The following EVA1B variants were observed in gnomAD, a reference collection of about 807,000 sequenced individuals.
EVA1B encodes the protein eva-1 homolog B.
A neutral mutation model predicts 4.6 loss-of-function variants in EVA1B; 2 were observed. The observed-to-expected ratio is 0.43, with a 90% confidence interval of 0.18 to 1.37. EVA1B has a LOEUF of 1.37. Among genes scored for constraint, EVA1B ranks in the 40% most tolerant of loss-of-function variants. EVA1B has a pLI of 0.28. For missense variants in EVA1B, 263 were observed against 240.4 expected, an observed-to-expected ratio of 1.09 and a Z score of -0.62; for synonymous variants, 124 against 115.8, an observed-to-expected ratio of 1.07 and a Z score of -0.46.
intron 2 of EVA1B, 56 bp from the exon 3 acceptor site, chr1:36,322,781 A>G: frequency 6.6e-7 from 1 of 1,521,700 alleles, no homozygotes; most frequent in Non-Finnish European, 8.9e-7. Context: ...GGGTTGTCCC[A>G]CTTCCGAAAG....
At chr1:36,323,334 G>A in intron 1 of EVA1B, 125 bp downstream of exon 1, 1 of 381,466 alleles carries the variant, frequency 2.6e-6, no homozygotes, top group Non-Finnish European at 4.7e-6. Context: ...CGCCGTCCCG[G>A]GGCGGGATGG....
chr1:36,322,667 G>T lies in EVA1B; in HGVS notation c.126C>A (p.Leu42=). The stretch of plus-strand genomic sequence containing the variant: ...TGCTGATGACGAGCAGGCAGAGGGT[G>T]AGCAGCAGGCCGAAGCAGACGCCCA... ...FVLGVCFGLL[L]TLCLLVISIS... is the part of the protein sequence containing the mutation. The change falls in exon 3 of 3, where the codon CTC becomes CTA. Residue 42 remains leucine (L), a synonymous_variant. Coordinates refer to ENST00000490466, the MANE Select transcript of EVA1B (RefSeq NM_001304762.2). 4 of 1,547,340 alleles carry T rather than the reference G, an allele frequency of 2.6e-6. No individual in the cohort carries two copies. Among genetic ancestry groups the T allele is most frequent in the Non-Finnish European group, 3.5e-6 (4 of 1,146,898 alleles).
At position 36,322,401 on chromosome 1, in the gene EVA1B, A is replaced by G; in HGVS notation, c.392T>C (p.Ile131Thr). The G allele has an allele frequency of 1.3e-6, 2 of 1,599,684 alleles. No homozygotes were observed. Among genetic ancestry groups the G allele is most frequent in the East Asian group, 2.2e-5 (1 of 44,812 alleles). Residue 131 changes from isoleucine to threonine, a missense_variant, in exon 3 of 3, where the codon ATC becomes ACC. Ile to Thr is a moderately conservative substitution (Grantham distance 89). Transcript: ENST00000490466. Reference protein sequence around the residue: ...RAQRLEERERILREIWRTGQP... With the variant: ...RAQRLEERERTLREIWRTGQP... Reference sequence around the variant, plus strand: ...CCCGGTGCGCCAGATCTCCCGCAGGATCCGTTCGCGCTCCTCCAGCCGCTG... The same window carrying G: ...CCCGGTGCGCCAGATCTCCCGCAGGGTCCGTTCGCGCTCCTCCAGCCGCTG...
In EVA1B at chr1:36,322,733, G is replaced by T. The variant is rs929154659; in HGVS notation, c.68-8C>A. The T allele has an allele frequency of 2.3e-5, 35 of 1,545,670 alleles. No homozygotes were observed. Among genetic ancestry groups the T allele is most frequent in the Non-Finnish European group, 2.8e-5 (32 of 1,146,708 alleles). On this transcript the variant is annotated splice_region_variant and splice_polypyrimidine_tract_variant and intron_variant, in intron 2 of 2. Transcript: ENST00000490466. Reference sequence around the variant, plus strand: ...CGAAGCTCTCGGGGTTGGCTGCGGGGCACAGGGCGGGGGTCACGGAGAGGC... The same window carrying T: ...CGAAGCTCTCGGGGTTGGCTGCGGGTCACAGGGCGGGGGTCACGGAGAGGC...
In EVA1B at chr1:36,322,650, A is replaced by T. The variant is rs1183838051; in HGVS notation, c.143T>A (p.Val48Asp). The change falls in exon 3 of 3, where the codon GTC becomes GAC. Residue 48 changes from valine (V) to aspartate (D), a missense_variant. Val to Asp is a radical substitution (Grantham distance 152). Transcript: ENST00000490466. ...FGLLLTLCLLVISISWAPRPR... is the reference protein window; with the variant it reads ...FGLLLTLCLLDISISWAPRPR... Reference sequence around the variant, plus strand: ...GCGGGGCGCCCACGAGATGCTGATGACGAGCAGGCAGAGGGTGAGCAGCAG... The same window carrying T: ...GCGGGGCGCCCACGAGATGCTGATGTCGAGCAGGCAGAGGGTGAGCAGCAG... The T allele has an allele frequency of 6.5e-7, 1 of 1,546,062 alleles. No homozygotes were observed. Among genetic ancestry groups the T allele is most frequent in the East Asian group, 2.4e-5 (1 of 40,826 alleles).
rs766781878 is a variant in EVA1B at position 36,322,553 on chromosome 1, CTCGTCG to C, written c.234_239del (p.Asp78_Asp79del). 1.3e-3 allele frequency: 2,083 copies of C among 1,596,366 alleles called. 4 individuals are homozygous for C. Among genetic ancestry groups the C allele is most frequent in the Non-Finnish European group, 1.7e-3 (2,013 of 1,176,172 alleles). ...GCCGAGTCACCGTGTCCTCCTCGTC[CTCGTCG>C]TCGTCCTCGGGCTCCAGGGTGCTGC... On this transcript the variant is annotated inframe_deletion, in exon 3 of 3. Transcript: ENST00000490466.
At position 36,322,477 on chromosome 1, in the gene EVA1B, C is replaced by T. The variant is rs201498075; in HGVS notation, c.316G>A (p.Gly106Arg). 2 of 1,604,210 alleles carry T rather than the reference C, an allele frequency of 1.2e-6. No homozygotes were observed. Among genetic ancestry groups the T allele is most frequent in the East Asian group, 2.2e-5 (1 of 44,836 alleles). Reference protein sequence around the residue: ...PGPELSAEPDGPLNVNVFTSA... With the variant: ...PGPELSAEPDRPLNVNVFTSA... ...GTGAAGACGTTGACGTTGAGGGGCCCGTCCGGCTCTGCGGACAGCTCGGGG... is the reference window on the plus strand; with the variant it reads ...GTGAAGACGTTGACGTTGAGGGGCCTGTCCGGCTCTGCGGACAGCTCGGGG... The change falls in exon 3 of 3, where the codon GGG becomes AGG. Residue 106 changes from glycine to arginine, a missense_variant. By Grantham distance (125) the Gly-to-Arg change is moderately radical. Coordinates refer to ENST00000490466, the MANE Select transcript of EVA1B (RefSeq NM_001304762.2).
chr1:36,322,448 C>A lies in EVA1B; in HGVS notation c.345G>T (p.Ser115=). 1 of 1,604,618 alleles carries A rather than the reference C, an allele frequency of 6.2e-7. No homozygotes were observed. Among genetic ancestry groups the A allele is most frequent in the East Asian group, 2.2e-5 (1 of 44,850 alleles). The change falls in exon 3 of 3, where the codon TCG becomes TCT. Residue 115 remains serine, a synonymous_variant. Transcript: ENST00000490466. The part of the protein sequence containing the change: ...DGPLNVNVFT[S]AEELERAQRL... ...GCTGCGCCCGCTCCAGCTCCTCCGC[C>A]GACGTGAAGACGTTGACGTTGAGGG...
At chr1:36,323,294 CT>C (rs1646499832) in intron 1 of EVA1B, among the ~76,000 whole-genome samples, 164 bp downstream of exon 1, 1 of 152,246 alleles carries the variant, frequency 6.6e-6, no homozygotes, top group Non-Finnish European at 1.5e-5. Flanking sequence ...GCCCCGCCCC[CT>C]GGTGAGGTCC....
chr1:36,322,136 C>A lies in EVA1B; in HGVS notation c.*159G>T. The A allele has an allele frequency of 7.4e-7, 1 of 1,349,328 alleles. No individual in the cohort carries two copies. The highest frequency in any genetic ancestry group is 1.7e-5 in the South Asian group (1 of 58,866). The allele number at this position is 1,349,328 out of a possible 1,614,324, so 83.6% of individuals were successfully genotyped here. A position where few individuals can be genotyped will look rare whatever the true frequency, so the allele number is the denominator to read the frequency against. On this transcript the variant is annotated 3_prime_UTR_variant, in exon 3 of 3. Coordinates refer to ENST00000490466, the MANE Select transcript of EVA1B (RefSeq NM_001304762.2). ...GCCCCCTCCCCGCCCCCGGGGTCTTCTGGCAGGACTGGGGAAGGGAGCCTC... is the reference window on the plus strand; with the variant it reads ...GCCCCCTCCCCGCCCCCGGGGTCTTATGGCAGGACTGGGGAAGGGAGCCTC...
chr1:36,322,464 A>G lies in EVA1B; in HGVS notation c.329T>C (p.Val110Ala), dbSNP rs779763338. Reference sequence around the variant, plus strand: ...CTCCTCCGCCGACGTGAAGACGTTGACGTTGAGGGGCCCGTCCGGCTCTGC... The same window carrying G: ...CTCCTCCGCCGACGTGAAGACGTTGGCGTTGAGGGGCCCGTCCGGCTCTGC... The part of the protein sequence containing the change: ...LSAEPDGPLN[V>A]NVFTSAEELE... Residue 110 changes from valine to alanine, a missense_variant, in exon 3 of 3, where the codon GTC (valine) becomes GCC (alanine). By Grantham distance (64) the Val-to-Ala change is moderately conservative. Coordinates refer to ENST00000490466, the MANE Select transcript of EVA1B (RefSeq NM_001304762.2). 1.2e-6 allele frequency: 2 copies of G among 1,604,834 alleles called. No homozygotes were observed. The highest frequency in any genetic ancestry group is 2.2e-5 in the East Asian group (1 of 44,824).
chr1:36,322,413 T>C lies in EVA1B; in HGVS notation c.380A>G (p.Glu127Gly). The C allele has an allele frequency of 5.6e-6, 9 of 1,601,110 alleles. No individual in the cohort carries two copies. Among genetic ancestry groups the C allele is most frequent in the Non-Finnish European group, 7.6e-6 (9 of 1,179,174 alleles). Residue 127 changes from glutamate to glycine, a missense_variant, in exon 3 of 3, where the codon GAG becomes GGG. By Grantham distance (98) the Glu-to-Gly change is moderately conservative. Transcript: ENST00000490466. ...EELERAQRLEERERILREIWR... is the reference protein window; with the variant it reads ...EELERAQRLEGRERILREIWR... ...GATCTCCCGCAGGATCCGTTCGCGCTCCTCCAGCCGCTGCGCCCGCTCCAG... is the reference window on the plus strand; with the variant it reads ...GATCTCCCGCAGGATCCGTTCGCGCCCCTCCAGCCGCTGCGCCCGCTCCAG...
Position 36,322,298 on chromosome 1 carries a change from G to A in EVA1B, c.495C>T (p.Tyr165=). Residue 165 remains tyrosine (Y), a synonymous_variant, in exon 3 of 3, where the codon TAC becomes TAT. Transcript: ENST00000490466. ...TTGCAGCGGGAGCCGGGGCCCATCA[G>A]TAATAGTGCATGCGGCCCAGGGTGC... ...ATGTLGRMHY[Y] 1 of 1,530,666 alleles carries A rather than the reference G, an allele frequency of 6.5e-7. No homozygotes were observed. The highest frequency in any genetic ancestry group is 2.4e-5 in the East Asian group (1 of 42,498). 94.8% of individuals were successfully genotyped at this position (1,530,666 alleles called of 1,614,324 possible).
rs759849054 is a variant in EVA1B, at chr1:36,322,490, G to C, written c.303C>G (p.Ser101=). ...PDDTLPGPEL[S]AEPDGPLNVN... ...CGTTGAGGGGCCCGTCCGGCTCTGC[G>C]GACAGCTCGGGGCCCGGCAGCGTGT... The change falls in exon 3 of 3, where the codon TCC becomes TCG. Residue 101 remains serine, a synonymous_variant. Coordinates refer to ENST00000490466, the MANE Select transcript of EVA1B (RefSeq NM_001304762.2). The C allele has an allele frequency of 1.2e-6, 2 of 1,603,476 alleles. No homozygotes were observed. Among genetic ancestry groups the C allele is most frequent in the Admixed American group, 3.3e-5 (2 of 59,894 alleles).
At position 36,323,529 on chromosome 1, in the gene EVA1B, C is replaced by G. The variant is rs1271343111; in HGVS notation, c.-101G>C. Reference sequence around the variant, plus strand: ...GGCCGCATACACTGGGTCCGGCCGCCCCCGCCCGCTCGGGTCCCGCCGCCC... The same window carrying G: ...GGCCGCATACACTGGGTCCGGCCGCGCCCGCCCGCTCGGGTCCCGCCGCCC... On this transcript the variant is annotated 5_prime_UTR_variant, in exon 1 of 3. Coordinates refer to ENST00000490466, the MANE Select transcript of EVA1B (RefSeq NM_001304762.2). The G allele has an allele frequency of 6.6e-6, 1 of 152,108 alleles. No individual in the cohort carries two copies. Among genetic ancestry groups the G allele is most frequent in the African/African-American group, 2.4e-5 (1 of 41,430 alleles). The allele number at this position is 152,108 out of a possible 1,614,324, so 9.4% of individuals were successfully genotyped here. A position where few individuals can be genotyped will look rare whatever the true frequency, so the allele number is the denominator to read the frequency against.
chr1:36,322,785 C>T (rs1328647108), intron 2 of EVA1B, 60 bp from the exon 3 acceptor site: 1 of 1,512,802 alleles, frequency 6.6e-7, no homozygotes, highest in Non-Finnish European at 8.9e-7. Context: ...TGTCCCACTT[C>T]CGAAAGACCC....
At position 36,322,037 on chromosome 1, in the gene EVA1B, G is replaced by T; in HGVS notation, c.*258C>A. On this transcript the variant is annotated 3_prime_UTR_variant, in exon 3 of 3. Coordinates refer to ENST00000490466, the MANE Select transcript of EVA1B (RefSeq NM_001304762.2). ...ACAGAGGGAGAGACTGAGTCACTGA[G>T]AATGCAGCTTTCTTTCATTTGGTCA... 7.7e-7 allele frequency: 1 copy of T among 1,304,322 alleles called. No homozygotes were observed. Among genetic ancestry groups the T allele is most frequent in the Non-Finnish European group, 9.7e-7 (1 of 1,030,304 alleles). The allele number at this position is 1,304,322 out of a possible 1,614,324, so 80.8% of individuals were successfully genotyped here. A position where few individuals can be genotyped will look rare whatever the true frequency, so the allele number is the denominator to read the frequency against.
chr1:36,322,941 G>A, intron 2 of EVA1B, 30 bp downstream of exon 2: 11 of 1,606,648 alleles, frequency 6.8e-6, no homozygotes, highest in Non-Finnish European at 9.3e-6. Context: ...GAAGGGTTCA[G>A]GCCCCCAGTC....
chr1:36,322,901 C>A, intron 2 of EVA1B, 70 bp downstream of exon 2: 2 of 1,574,806 alleles, frequency 1.3e-6, no homozygotes, highest in Non-Finnish European at 8.7e-7. Flanking sequence ...ACGGACAAGG[C>A]GCTGGGGAGG....
Sources: gnomAD v4.1 joint callset for allele counts (sites outside exome capture counted in the v4.1 genomes callset) on GRCh38, gnomAD v4.1.1 for gene constraint, MANE v1.5 for transcripts, NCBI Gene and HGNC (gene_info 2026-07-23, HGNC 2026-07-21) for gene names.